Variants in CHD5 observed in about 807,000 individuals in gnomAD.
CHD5 encodes the protein chromodomain helicase DNA binding protein 5.
In CHD5, 69 loss-of-function variants were observed where a neutral mutation model predicts 230.3. The ratio of observed to expected loss-of-function variants is 0.30; its 90% CI spans 0.25 to 0.37. CHD5 has a LOEUF of 0.37. Among genes scored for constraint, CHD5 ranks in the 10% least tolerant of loss-of-function variants. The pLI, the probability that CHD5 is intolerant of heterozygous loss-of-function variation, is 1.00. For missense variants in CHD5, 1,827 were observed against 2,622.8 expected, an observed-to-expected ratio of 0.70 and a Z score of 6.63; for synonymous variants, 1,064 against 1,065.9, an observed-to-expected ratio of 1.00 and a Z score of 0.03.
In CHD5 at chr1:6,167,574, G is replaced by C. The variant is rs1667274551; in HGVS notation, c.207+576C>G. Reference sequence around the variant, plus strand: ...TGAGGATCAAGTGAGCCCGCGTGAAGCACAGAGAAGCACACTCGGAATGTG... The same window carrying C: ...TGAGGATCAAGTGAGCCCGCGTGAACCACAGAGAAGCACACTCGGAATGTG... On this transcript the variant is annotated intron_variant, in intron 2 of 41. Coordinates refer to ENST00000262450, the MANE Select transcript of CHD5 (RefSeq NM_015557.3). The surrounding 1 kb of genome is among the most constrained non-coding windows in gnomAD (Gnocchi z 4.5). 1.3e-5 allele frequency among the ~76,000 whole-genome samples: 2 copies of C among 152,206 alleles called. No individual in the cohort carries two copies. The highest frequency in any genetic ancestry group is 6.5e-5 in the Admixed American group (1 of 15,288).
At chr1:6,118,844 C>T (rs759715148) in intron 33 of CHD5, among the ~76,000 whole-genome samples, 38 of 151,538 alleles carry the variant, frequency 2.5e-4, no homozygotes, top group Non-Finnish European at 5.0e-4. Flanking sequence ...ATTACAGGTG[C>T]CCACCACCAC....
In CHD5 at chr1:6,106,457, C is replaced by A; in HGVS notation, c.5795G>T (p.Arg1932Leu). The part of the protein sequence containing the change: ...MYSNNFGPNF[R>L]GPGPGGIVNY... The stretch of plus-strand genomic sequence containing the variant: ...GACAATCCCTCCCGGTCCAGGGCCC[C>A]GGAAGTTGGGCCCAAAGTTGTTGCT... The change falls in exon 40 of 42, where the codon CGG becomes CTG. Residue 1932 changes from arginine to leucine, a missense_variant. This residue lies in a region of CHD5 where 208 missense variants were observed against 302.0 expected (regional missense o/e 0.69). Coordinates refer to ENST00000262450, the MANE Select transcript of CHD5 (RefSeq NM_015557.3). 1 of 1,563,282 alleles carries A rather than the reference C, an allele frequency of 6.4e-7. No homozygotes were observed. The highest frequency in any genetic ancestry group is 8.7e-7 in the Non-Finnish European group (1 of 1,154,162).
At chr1:6,164,348 A>G (rs560853872) in intron 2 of CHD5, among the ~76,000 whole-genome samples, 15 of 152,262 alleles carry the variant, frequency 9.9e-5, no homozygotes, top group Non-Finnish European at 2.1e-4. Context: ...ATAAACAGTT[A>G]TAATTTAGCA....
chr1:6,150,345 G>A (rs1571161405), intron 7 of CHD5, among the ~76,000 whole-genome samples: 1 of 149,062 alleles, frequency 6.7e-6, no homozygotes, highest in East Asian at 2.0e-4. Context: ...TGAATGGATG[G>A]ACAGATGGAT....
At chr1:6,141,937 T>G (rs1404197467) in intron 15 of CHD5, among the ~76,000 whole-genome samples, 191 bp downstream of exon 15, 2 of 152,172 alleles carry the variant, frequency 1.3e-5, no homozygotes, top group African/African-American at 4.8e-5. Context: ...ACTCCATTTG[T>G]GACACTTTGT....
chr1:6,134,055 GC>G lies in CHD5; in HGVS notation c.3144+72del. The G allele has an allele frequency of 6.7e-7, 1 of 1,490,182 alleles. No individual in the cohort carries two copies. Among genetic ancestry groups the G allele is most frequent in the Non-Finnish European group, 9.2e-7 (1 of 1,092,008 alleles). The allele number at this position is 1,490,182 out of a possible 1,614,324, so 92.3% of individuals were successfully genotyped here. On this transcript the variant is annotated intron_variant, in intron 20 of 41. Coordinates refer to ENST00000262450, the MANE Select transcript of CHD5 (RefSeq NM_015557.3). The surrounding 1 kb of genome is among the most constrained non-coding windows in gnomAD (Gnocchi z 6.3). ...CCCTGAGGGGTGCCAGCAAGTTTGCGCCCCCAAGCATCAGGGCAGGATGCTC... is the reference window on the plus strand; with the variant it reads ...CCCTGAGGGGTGCCAGCAAGTTTGCGCCCCAAGCATCAGGGCAGGATGCTC...
chr1:6,106,691 G>A lies in CHD5; in HGVS notation c.5667C>T (p.Ala1889=), dbSNP rs768719057. ...PSMLSRIPPV[A]ARLQMSERSI... is the part of the protein sequence containing the mutation. ...TGCGCTCCGACATCTGCAGCCGGGC[G>A]GCCACCGGGGGGATGCGGGACAGCA... Residue 1889 remains alanine, a synonymous_variant, in exon 39 of 42, where the codon GCC becomes GCT. Transcript: ENST00000262450. The A allele has an allele frequency of 2.4e-5, 38 of 1,611,524 alleles. No individual in the cohort carries two copies. The East Asian group carries it at 4.5e-4, about 19-fold the overall frequency.
chr1:6,143,697 T>C, intron 13 of CHD5, 126 bp downstream of exon 13: 1 of 816,018 alleles, frequency 1.2e-6, no homozygotes, highest in South Asian at 1.6e-5. Context: ...GGCATGACAC[T>C]GTCTGCATAA....
At chr1:6,150,471 C>T (rs200779399) in intron 7 of CHD5, among the ~76,000 whole-genome samples, 12,855 of 84,964 alleles carry the variant, frequency 0.15, 698 homozygotes, top group African/African-American at 0.25. Context: ...GATGGACGGA[C>T]GGACGGACGG....
intron 1 of CHD5, among the ~76,000 whole-genome samples, chr1:6,175,782 T>G (rs1201419508): frequency 6.7e-6 from 1 of 149,934 alleles, no homozygotes; most frequent in African/African-American, 2.5e-5. Context: ...GTTTTGTGGG[T>G]CGACGGGTAG....
chr1:6,134,374 G>T lies in CHD5; in HGVS notation c.3013-115C>A. The T allele has an allele frequency of 7.8e-7, 1 of 1,286,742 alleles. No individual in the cohort carries two copies. Among genetic ancestry groups the T allele is most frequent in the Non-Finnish European group, 1.1e-6 (1 of 921,796 alleles). The allele number at this position is 1,286,742 out of a possible 1,614,324, so 79.7% of individuals were successfully genotyped here. A position where few individuals can be genotyped will look rare whatever the true frequency, so the allele number is the denominator to read the frequency against. Reference sequence around the variant, plus strand: ...TGAGCAATGGGGTGATGGCCTGTCTGCCCACTGAACATGAGACCCACACCC... The same window carrying T: ...TGAGCAATGGGGTGATGGCCTGTCTTCCCACTGAACATGAGACCCACACCC... On this transcript the variant is annotated intron_variant, in intron 19 of 41. Coordinates refer to ENST00000262450, the MANE Select transcript of CHD5 (RefSeq NM_015557.3). The surrounding 1 kb of genome is among the most constrained non-coding windows in gnomAD (Gnocchi z 6.3).
At position 6,144,165 on chromosome 1, in the gene CHD5, G is replaced by A. The variant is rs181956131; in HGVS notation, c.1803-10C>T. Reference sequence around the variant, plus strand: ...CCCCTTCTTGTCAAAGCTGCAACACGGTGAACAGATGTGGGTCGCTCAGAG... The same window carrying A: ...CCCCTTCTTGTCAAAGCTGCAACACAGTGAACAGATGTGGGTCGCTCAGAG... On this transcript the variant is annotated splice_polypyrimidine_tract_variant and intron_variant, in intron 11 of 41. Coordinates refer to ENST00000262450, the MANE Select transcript of CHD5 (RefSeq NM_015557.3). The A allele has an allele frequency of 3.1e-3, 5,030 of 1,614,178 alleles. 15 individuals carry two copies. Among genetic ancestry groups the A allele is most frequent in the Non-Finnish European group, 3.8e-3 (4,444 of 1,180,048 alleles).
Position 6,146,769 on chromosome 1 carries a change from T to C in CHD5, c.1486A>G (p.Ser496Gly). ...TCCAGGGGCTTAGGTGGAGGGAGGC[T>C]GGGCTCCACGTCAGGCCCCGGCAGC... ...VGLPGPDVEP[S>G]LPPPKPLEGI... is the part of the protein sequence containing the mutation. The change falls in exon 10 of 42, where the codon AGC becomes GGC. Residue 496 changes from serine to glycine, a missense_variant. Ser to Gly is a moderately conservative substitution (Grantham distance 56, BLOSUM62 0). Transcript: ENST00000262450. This position sits in a 1 kb window ranked among gnomAD's most constrained non-coding sequence, Gnocchi z 5.1. The C allele has an allele frequency of 6.2e-7, 1 of 1,605,758 alleles. No homozygotes were observed. The highest frequency in any genetic ancestry group is 1.1e-5 in the South Asian group (1 of 90,378).
At position 6,146,555 on chromosome 1, in the gene CHD5, C is replaced by G. The variant is rs925125199; in HGVS notation, c.1590+110G>C. 9.6e-5 allele frequency: 134 copies of G among 1,396,740 alleles called. No individual in the cohort carries two copies. Among genetic ancestry groups the G allele is most frequent in the Middle Eastern group, 3.9e-4 (2 of 5,088 alleles). 86.5% of individuals were successfully genotyped at this position (1,396,740 alleles called of 1,614,324 possible). On this transcript the variant is annotated intron_variant, in intron 10 of 41. Transcript: ENST00000262450. The surrounding 1 kb of genome is among the most constrained non-coding windows in gnomAD (Gnocchi z 5.1). ...CTCCCGCTCAGCACCACCCCAACTC[C>G]CAACAGCACCCCTCAGTCAGAGGCG...
chr1:6,115,429 G>A (rs1883767), intron 33 of CHD5, among the ~76,000 whole-genome samples: 31,090 of 152,076 alleles, frequency 0.2, 3,876 homozygotes, highest in East Asian at 0.54. Context: ...TTTGCGGCAC[G>A]GGTGACCTTA....
intron 15 of CHD5, among the ~76,000 whole-genome samples, chr1:6,139,785 A>G (rs1283314912): frequency 6.6e-6 from 1 of 152,242 alleles, no homozygotes; most frequent in Non-Finnish European, 1.5e-5. Flanking sequence ...AACTCTTAAC[A>G]ATAAAATAGA....
At chr1:6,178,869 C>G (rs1160207660) in intron 1 of CHD5, among the ~76,000 whole-genome samples, 2 of 152,198 alleles carry the variant, frequency 1.3e-5, no homozygotes, top group African/African-American at 2.4e-5. Flanking sequence ...CTTCTCACCC[C>G]TGGAAGTCAG....
chr1:6,128,778 TG>T lies in CHD5; in HGVS notation c.3619+59del. On this transcript the variant is annotated intron_variant, in intron 23 of 41. Coordinates refer to ENST00000262450, the MANE Select transcript of CHD5 (RefSeq NM_015557.3). This position sits in a 1 kb window ranked among gnomAD's most constrained non-coding sequence, Gnocchi z 7.8. ...GGCAGGGACCCAAGCAAGCCCTGGATGGGTGTCTCAGCCGGGCCACCCCAGT... is the reference window on the plus strand; with the variant it reads ...GGCAGGGACCCAAGCAAGCCCTGGATGGTGTCTCAGCCGGGCCACCCCAGT... The T allele has an allele frequency of 1.4e-6, 2 of 1,444,716 alleles. No homozygotes were observed. Among genetic ancestry groups the T allele is most frequent in the African/African-American group, 1.4e-5 (1 of 71,674 alleles). 89.5% of individuals were successfully genotyped at this position (1,444,716 alleles called of 1,614,324 possible).
intron 9 of CHD5, among the ~76,000 whole-genome samples, chr1:6,147,360 T>C (rs1666927785): frequency 6.6e-6 from 1 of 152,000 alleles, no homozygotes; most frequent in African/African-American, 2.4e-5. Flanking sequence ...CCATCCACCA[T>C]CCCTCACCCG....
Sources: gnomAD v4.1 joint callset for allele counts (sites outside exome capture counted in the v4.1 genomes callset) on GRCh38, gnomAD v4.1.1 for gene constraint, gnomAD v4.1.1 regional missense constraint, Gnocchi (gnomAD v3.1) non-coding constraint, MANE v1.5 for transcripts, NCBI Gene and HGNC (gene_info 2026-07-23, HGNC 2026-07-21) for gene names.